The following PDZRN4 variants were observed in gnomAD, a reference collection of about 807,000 sequenced individuals.
PDZRN4 encodes the protein PDZ domain containing ring finger 4, also known as PDZ domain-containing RING finger protein 4.
PDZRN4 carries 70 observed loss-of-function variants against 99.0 expected under a neutral mutation model. The observed-to-expected ratio is 0.71, with a 90% CI of 0.58 to 0.86. The LOEUF is 0.86. Among genes scored for constraint, PDZRN4 ranks in the 40% least tolerant of loss-of-function variants. The pLI, the probability that PDZRN4 is intolerant of heterozygous loss-of-function variation, is 0.00. For synonymous variants in PDZRN4, 551 were observed against 501.6 expected, an observed-to-expected ratio of 1.10 and a Z score of -1.32; for missense variants, 1,474 against 1,331.2, an observed-to-expected ratio of 1.11 and a Z score of -1.67.
intron 3 of PDZRN4, among the ~76,000 whole-genome samples, chr12:41,457,099 TCTGA>T (rs1323247748): frequency 4.6e-5 from 7 of 152,204 alleles, no homozygotes; most frequent in East Asian, 1.9e-4. Flanking sequence ...TTACTAGATC[TCTGA>T]CTAATTATTC....
intron 3 of PDZRN4, among the ~76,000 whole-genome samples, chr12:41,296,088 A>G (rs1156863090): frequency 3.9e-5 from 6 of 152,180 alleles, no homozygotes; most frequent in South Asian, 2.1e-4. Context: ...AGGTCAGCTT[A>G]TGCAACTCTG....
intron 3 of PDZRN4, among the ~76,000 whole-genome samples, chr12:41,367,581 G>T (rs976072886): frequency 6.6e-6 from 1 of 151,976 alleles, no homozygotes; most frequent in East Asian, 1.9e-4. Flanking sequence ...GAAGCCTACA[G>T]TGTCTCATCG....
intron 3 of PDZRN4, among the ~76,000 whole-genome samples, chr12:41,366,093 G>C (rs373769854): frequency 1.3e-5 from 2 of 152,110 alleles, no homozygotes; most frequent in South Asian, 4.1e-4. Flanking sequence ...CAAGAGATGA[G>C]AGCAAGGTAT....
chr12:41,572,953 T>C lies in PDZRN4; in HGVS notation c.2174T>C (p.Met725Thr), dbSNP rs763784359. 1 of 1,614,138 alleles carries C rather than the reference T, an allele frequency of 6.2e-7. No homozygotes were observed. Among genetic ancestry groups the C allele is most frequent in the Non-Finnish European group, 8.5e-7 (1 of 1,179,998 alleles). The change falls in exon 10 of 10, where the codon ATG becomes ACG. Residue 725 changes from methionine to threonine, a missense_variant. By Grantham distance (81) the Met-to-Thr change is moderately conservative. Coordinates refer to ENST00000402685, the MANE Select transcript of PDZRN4 (RefSeq NM_001164595.2). ...DMQRGKLDDI[M>T]EHPEKSDKDS... ...CAAAGGGGAAAGCTAGATGACATCATGGAGCATCCAGAAAAGTCTGACAAG... is the reference window on the plus strand; with the variant it reads ...CAAAGGGGAAAGCTAGATGACATCACGGAGCATCCAGAAAAGTCTGACAAG...
At chr12:41,490,902 A>T (rs1937873492) in intron 3 of PDZRN4, among the ~76,000 whole-genome samples, 1 of 152,132 alleles carries the variant, frequency 6.6e-6, no homozygotes. Context: ...CCCTGAAAGT[A>T]CATAACTCAG....
At chr12:41,308,502 C>T (rs73122873) in intron 3 of PDZRN4, among the ~76,000 whole-genome samples, 31,565 of 151,990 alleles carry the variant, frequency 0.21, 3,466 homozygotes, top group African/African-American at 0.24. Context: ...TAGATTACAA[C>T]GTCAGAAGCA....
chr12:41,368,437 G>C lies in PDZRN4; in HGVS notation c.844-138019G>C, dbSNP rs557463304. ...GTGCTTCAAACTCATGTACATGAGA[G>C]AGTCATATAGCTGTTCCTCATTGAG... On this transcript the variant is annotated intron_variant, in intron 3 of 9. Transcript: ENST00000402685. Among the ~76,000 whole-genome samples the C allele has an allele frequency of 8.1e-4, 124 of 152,204 alleles. 1 individual carries two copies. The South Asian group carries it at 0.014, about 18-fold the overall frequency.
chr12:41,205,525 A>G (rs1386784226), intron 3 of PDZRN4, among the ~76,000 whole-genome samples: 1 of 151,886 alleles, frequency 6.6e-6, no homozygotes, highest in Non-Finnish European at 1.5e-5. Flanking sequence ...TTCAGAATGC[A>G]CCCAGCACTT....
At chr12:41,398,613 T>C (rs17129330) in intron 3 of PDZRN4, among the ~76,000 whole-genome samples, 2,384 of 152,290 alleles carry the variant, frequency 0.016, 132 homozygotes, top group Admixed American at 0.098. Context: ...AGCTGTAACT[T>C]GTGTGTAACT....
At chr12:41,291,314 T>C (rs955886106) in intron 3 of PDZRN4, among the ~76,000 whole-genome samples, 3 of 152,168 alleles carry the variant, frequency 2.0e-5, no homozygotes, top group African/African-American at 7.2e-5. Context: ...GCCAAGAAAG[T>C]CATAACCTTA....
chr12:41,435,960 G>A (rs1952625348), intron 3 of PDZRN4, among the ~76,000 whole-genome samples: 1 of 152,190 alleles, frequency 6.6e-6, no homozygotes, highest in African/African-American at 2.4e-5. Flanking sequence ...GCTTAGAGAA[G>A]TTAAAACTTT....
At chr12:41,567,081 C>T (rs1004146746) in intron 8 of PDZRN4, among the ~76,000 whole-genome samples, 2 of 152,108 alleles carry the variant, frequency 1.3e-5, no homozygotes, top group Non-Finnish European at 2.9e-5. Context: ...TAAACAAAAC[C>T]CTGCATGCCC....
At chr12:41,232,799 T>A (rs1229119323) in intron 3 of PDZRN4, among the ~76,000 whole-genome samples, 2 of 152,154 alleles carry the variant, frequency 1.3e-5, no homozygotes, top group African/African-American at 2.4e-5. Context: ...TTTTTATGGT[T>A]TTAGGTCTAA....
chr12:41,251,507 A>G (rs1189614934), intron 3 of PDZRN4, among the ~76,000 whole-genome samples: 1 of 152,158 alleles, frequency 6.6e-6, no homozygotes, highest in Non-Finnish European at 1.5e-5. Flanking sequence ...AGCAGAGTTA[A>G]TATTGCTCTG....
intron 3 of PDZRN4, among the ~76,000 whole-genome samples, chr12:41,505,001 A>C (rs557017970): frequency 4.6e-5 from 7 of 152,258 alleles, no homozygotes; most frequent in African/African-American, 1.4e-4. Flanking sequence ...TAGCTCCTCC[A>C]GGTCATTAAG....
intron 1 of PDZRN4, among the ~76,000 whole-genome samples, chr12:41,191,133 A>G (rs1219691320): frequency 2.0e-5 from 3 of 152,242 alleles, no homozygotes; most frequent in Non-Finnish European, 2.9e-5. Context: ...AGGTTTAACC[A>G]GAAATCTGTT....
At chr12:41,407,065 T>C (rs1038577712) in intron 3 of PDZRN4, among the ~76,000 whole-genome samples, 2 of 152,130 alleles carry the variant, frequency 1.3e-5, no homozygotes, top group African/African-American at 2.4e-5. Flanking sequence ...CTGTGTGTTA[T>C]GATAAAGAAC....
At chr12:41,403,432 C>T (rs915356114) in intron 3 of PDZRN4, among the ~76,000 whole-genome samples, 4 of 152,196 alleles carry the variant, frequency 2.6e-5, no homozygotes, top group South Asian at 2.1e-4. Flanking sequence ...CTATTTCCAT[C>T]GGGAACGTGA....
At chr12:41,408,455 G>A (rs1246324726) in intron 3 of PDZRN4, among the ~76,000 whole-genome samples, 1 of 152,110 alleles carries the variant, frequency 6.6e-6, no homozygotes, top group East Asian at 1.9e-4. Context: ...GTGGAAGTGT[G>A]GGGGAGCTGA....
Sources: gnomAD v4.1 joint callset for allele counts (sites outside exome capture counted in the v4.1 genomes callset) on GRCh38, gnomAD v4.1.1 for gene constraint, MANE v1.5 for transcripts, NCBI Gene and HGNC (gene_info 2026-07-23, HGNC 2026-07-21) for gene names.